CFAP100: variants seen among roughly 807,000 people sequenced by gnomAD.
CFAP100 encodes cilia- and flagella-associated protein 100.
In CFAP100, 70 loss-of-function variants were observed where a neutral mutation model predicts 81.5. The observed-to-expected ratio is 0.86, with a 90% CI of 0.71 to 1.05. The LOEUF (loss-of-function observed/expected upper bound fraction) is 1.05, where lower values mean the gene tolerates loss of function less well. CFAP100 is among the 50% of genes least tolerant of loss of function. The pLI, the probability that CFAP100 is intolerant of heterozygous loss-of-function variation, is 0.00. For synonymous variants in CFAP100, 341 were observed against 314.8 expected, an observed-to-expected ratio of 1.08 and a Z score of -0.88; for missense variants, 811 against 776.5, an observed-to-expected ratio of 1.04 and a Z score of -0.53.
chr3:126,429,513 TCTC>T (rs1933105121), intron 13 of CFAP100, among the ~76,000 whole-genome samples: 2 of 152,258 alleles, frequency 1.3e-5, no homozygotes, highest in African/African-American at 4.8e-5. Context: ...GTTTCACAGC[TCTC>T]TTGTTCTTCC....
At chr3:126,399,885 G>C (rs138868317) in intron 2 of CFAP100, among the ~76,000 whole-genome samples, 2 of 152,302 alleles carry the variant, frequency 1.3e-5, no homozygotes, top group African/African-American at 4.8e-5. Flanking sequence ...TCCCGGTACA[G>C]CTTGCTGGTG....
intron 2 of CFAP100, among the ~76,000 whole-genome samples, chr3:126,401,768 G>A (rs1380779750): frequency 1.3e-5 from 2 of 152,036 alleles, no homozygotes; most frequent in African/African-American, 2.4e-5. Context: ...GGAAGGAGAC[G>A]TGGCCCAATT....
At chr3:126,421,078 C>T (rs899359954) in intron 11 of CFAP100, among the ~76,000 whole-genome samples, 5 of 152,218 alleles carry the variant, frequency 3.3e-5, no homozygotes, top group African/African-American at 1.2e-4. Context: ...TCTCAGCTCA[C>T]CGCAACCTCC....
At chr3:126,425,237 C>T (rs562338656) in intron 13 of CFAP100, among the ~76,000 whole-genome samples, 1 of 152,224 alleles carries the variant, frequency 6.6e-6, no homozygotes, top group Non-Finnish European at 1.5e-5. Context: ...CTTCAGCCAG[C>T]CAAGCCATCC....
intron 3 of CFAP100, among the ~76,000 whole-genome samples, chr3:126,411,242 G>A (rs1190409673): frequency 6.6e-6 from 1 of 151,892 alleles, no homozygotes; most frequent in Non-Finnish European, 1.5e-5. Context: ...GAACCCACTT[G>A]ATCACGATGA....
At chr3:126,399,878 C>A (rs879854439) in intron 2 of CFAP100, among the ~76,000 whole-genome samples, 1 of 152,124 alleles carries the variant, frequency 6.6e-6, no homozygotes, top group Non-Finnish European at 1.5e-5. Flanking sequence ...CCTGTGTTCC[C>A]GGTACAGCTT....
intron 16 of CFAP100, 35 bp from the exon 17 acceptor site, chr3:126,436,256 G>C (rs1433151435): frequency 1.3e-6 from 2 of 1,558,834 alleles, no homozygotes; most frequent in Non-Finnish European, 1.8e-6. Flanking sequence ...CGGCTCACTA[G>C]GCAGCAAGGC....
intron 3 of CFAP100, among the ~76,000 whole-genome samples, chr3:126,408,020 G>A (rs761248781): frequency 2.8e-4 from 43 of 152,226 alleles, no homozygotes; most frequent in Non-Finnish European, 5.1e-4. Context: ...CCATGGCCCA[G>A]GCTCCCACCC....
Position 126,418,671 on chromosome 3 carries a change from G to A in CFAP100, c.547G>A (p.Glu183Lys). 6.3e-7 allele frequency: 1 copy of A among 1,583,706 alleles called. No homozygotes were observed. The highest frequency in any genetic ancestry group is 8.6e-7 in the Non-Finnish European group (1 of 1,166,724). Residue 183 changes from glutamate (E) to lysine (K), a missense_variant, in exon 7 of 17, where the codon GAG becomes AAG. Physicochemically the swap from Glu to Lys is moderately conservative, Grantham distance 56 (BLOSUM62 1). Coordinates refer to ENST00000352312, the MANE Select transcript of CFAP100 (RefSeq NM_182628.3). ...GCTGGAGACGCTGGCGACCAAAGAG[G>A]AGGCCAGGCTGGAGCGGGCCGAGAA... is the stretch of plus-strand genomic sequence containing the variant. ...QRLETLATKEEARLERAEKSL... is the reference protein window; with the variant it reads ...QRLETLATKEKARLERAEKSL...
chr3:126,422,811 C>T (rs1439203531), intron 11 of CFAP100, among the ~76,000 whole-genome samples: 1 of 152,132 alleles, frequency 6.6e-6, no homozygotes, highest in East Asian at 1.9e-4. Context: ...TCAAAGGTGG[C>T]ACTCAGTAAA....
intron 5 of CFAP100, among the ~76,000 whole-genome samples, chr3:126,417,892 C>A (rs1576633312): frequency 6.6e-6 from 1 of 152,262 alleles, no homozygotes; most frequent in Non-Finnish European, 1.5e-5. Flanking sequence ...GCCAGGAAGG[C>A]CAGGGAAAGG....
At chr3:126,429,120 A>G (rs1399692613) in intron 13 of CFAP100, among the ~76,000 whole-genome samples, 1 of 90,562 alleles carries the variant, frequency 1.1e-5, no homozygotes, top group Non-Finnish European at 2.7e-5. Flanking sequence ...AAAAAAAAAA[A>G]AAAAAAAAAA....
chr3:126,415,334 C>T (rs866231511), intron 4 of CFAP100, among the ~76,000 whole-genome samples: 32 of 151,536 alleles, frequency 2.1e-4, no homozygotes, highest in Non-Finnish European at 3.5e-4. Flanking sequence ...CCTCCCCCAC[C>T]CAGCAGGGTC....
chr3:126,398,469 C>T (rs1470977272), intron 2 of CFAP100, among the ~76,000 whole-genome samples: 1 of 152,232 alleles, frequency 6.6e-6, no homozygotes, highest in South Asian at 2.1e-4. Context: ...CTGAAGGAGC[C>T]GTGTGCATGC....
chr3:126,395,809 G>T, intron 1 of CFAP100, 133 bp from the exon 2 acceptor site: 1 of 598,280 alleles, frequency 1.7e-6, no homozygotes, highest in South Asian at 2.0e-5. Context: ...ACCCTCGGGT[G>T]GGAGAGGCAG....
Position 126,414,198 on chromosome 3 carries a change from C to G in CFAP100, c.225+19C>G. The G allele has an allele frequency of 6.3e-7, 1 of 1,576,020 alleles. No homozygotes were observed. Among genetic ancestry groups the G allele is most frequent in the Non-Finnish European group, 8.7e-7 (1 of 1,145,254 alleles). On this transcript the variant is annotated intron_variant, in intron 4 of 16. Transcript: ENST00000352312. ...TCTCTCCGTGAGTATCCAGGACAGACGCCAGCACCTCCGGGAGCTTCCCTG... is the reference window on the plus strand; with the variant it reads ...TCTCTCCGTGAGTATCCAGGACAGAGGCCAGCACCTCCGGGAGCTTCCCTG...
At position 126,419,625 on chromosome 3, in the gene CFAP100, G is replaced by A. The variant is rs369533533; in HGVS notation, c.732-12G>A. 1.2e-4 allele frequency: 191 copies of A among 1,610,936 alleles called. No individual in the cohort carries two copies. The highest frequency in any genetic ancestry group is 1.5e-4 in the Non-Finnish European group (173 of 1,178,250). On this transcript the variant is annotated splice_polypyrimidine_tract_variant and intron_variant, in intron 8 of 16. Transcript: ENST00000352312. ...CTCCTCCTTCCCACATCCTCACCCC[G>A]CCCCGGTGTAGTGAGATCTCCAGAT...
chr3:126,436,306 G>C lies in CFAP100; in HGVS notation c.1738G>C (p.Val580Leu), dbSNP rs756018214. Residue 580 changes from valine (V) to leucine (L), a missense_variant, in exon 17 of 17, where the codon GTA becomes CTA. Val to Leu is a conservative substitution (Grantham distance 32). Transcript: ENST00000352312. The part of the protein sequence containing the change: ...EIKKKRGRTL[V>L]CRSRPPAHRI... ...TCCCCTGCAGAGAGGCAGGACACTG[G>C]TATGCCGCTCACGACCCCCAGCCCA... The C allele has an allele frequency of 6.2e-7, 1 of 1,613,682 alleles. No individual in the cohort carries two copies. The highest frequency in any genetic ancestry group is 1.3e-5 in the African/African-American group (1 of 75,032).
In CFAP100 at chr3:126,436,319, G is replaced by A. The variant is rs370807740; in HGVS notation, c.1751G>A (p.Arg584Gln). The A allele has an allele frequency of 6.8e-6, 11 of 1,613,962 alleles. No homozygotes were observed. The highest frequency in any genetic ancestry group is 5.3e-5 in the African/African-American group (4 of 75,038). Residue 584 changes from arginine to glutamine, a missense_variant, in exon 17 of 17, where the codon CGA (arginine) becomes CAA (glutamine). Physicochemically the swap from Arg to Gln is conservative, Grantham distance 43 (BLOSUM62 1). Transcript: ENST00000352312. ...KRGRTLVCRS[R>Q]PPAHRIKQQS... ...GGCAGGACACTGGTATGCCGCTCAC[G>A]ACCCCCAGCCCACAGGATCAAACAA...
Sources: allele counts gnomAD v4.1 joint callset (sites outside exome capture counted in the v4.1 genomes callset), GRCh38; gene constraint gnomAD v4.1.1; transcripts MANE v1.5; gene names NCBI Gene and HGNC (gene_info 2026-07-23, HGNC 2026-07-21).